The following CYB5R4 variants were observed in gnomAD, a reference collection of about 807,000 sequenced individuals.
CYB5R4 encodes the protein N-terminal cytochrome b5 and cytochrome b5 oxidoreductase domain-containing protein.
Under a neutral mutation model 70.2 loss-of-function variants are expected in CYB5R4, and 55 were observed. The observed-to-expected ratio is 0.78, with a 90% CI of 0.63 to 0.98. The LOEUF (loss-of-function observed/expected upper bound fraction) is 0.98. CYB5R4 is among the 50% of genes least tolerant of loss of function. The pLI is 0.00. For synonymous variants in CYB5R4, 197 were observed against 199.5 expected, an observed-to-expected ratio of 0.99 and a Z score of 0.11; for missense variants, 562 against 612.6, an observed-to-expected ratio of 0.92 and a Z score of 0.87.
At chr6:83,887,818 TGG>T (rs1423515765) in intron 2 of CYB5R4, among the ~76,000 whole-genome samples, 1 of 151,974 alleles carries the variant, frequency 6.6e-6, no homozygotes, top group Non-Finnish European at 1.5e-5. Flanking sequence ...GATGGATGGA[TGG>T]GTAGATGGAT....
At chr6:83,876,142 C>G (rs1304862112) in intron 2 of CYB5R4, among the ~76,000 whole-genome samples, 1 of 152,152 alleles carries the variant, frequency 6.6e-6, no homozygotes, top group Non-Finnish European at 1.5e-5. Context: ...TTCGTTATTT[C>G]TGGACAGTTC....
chr6:83,914,327 A>C (rs1442923459), intron 4 of CYB5R4, 89 bp from the exon 5 acceptor site: 1 of 1,352,712 alleles, frequency 7.4e-7, no homozygotes, highest in South Asian at 1.4e-5. Context: ...AAAAGAAGGG[A>C]TGTTATCTTG....
intron 2 of CYB5R4, among the ~76,000 whole-genome samples, chr6:83,891,665 AT>A (rs1465992405): frequency 6.6e-6 from 1 of 152,192 alleles, no homozygotes; most frequent in Non-Finnish European, 1.5e-5. Flanking sequence ...AGGGATAGAC[AT>A]TCCTAGTTTT....
intron 4 of CYB5R4, chr6:83,910,019 C>T (rs1446082215): frequency 8.7e-6 from 14 of 1,610,414 alleles, no homozygotes; most frequent in African/African-American, 2.7e-5. Context: ...GTGGCACATA[C>T]ATGTTAAGCT....
chr6:83,901,650 T>C (rs2099462983), intron 3 of CYB5R4, among the ~76,000 whole-genome samples: 2 of 152,136 alleles, frequency 1.3e-5, no homozygotes, highest in Non-Finnish European at 2.9e-5. Context: ...TTGGAGGCTT[T>C]GTTCATTTCT....
intron 12 of CYB5R4, among the ~76,000 whole-genome samples, chr6:83,936,643 C>T (rs556319257): frequency 8.5e-5 from 13 of 152,248 alleles, no homozygotes; most frequent in African/African-American, 1.4e-4. Flanking sequence ...TCCAGTCAGC[C>T]GCTAAGTTCT....
chr6:83,957,299 GTACTTTACAGAT>G (rs1440991752), intron 15 of CYB5R4, among the ~76,000 whole-genome samples: 1 of 151,992 alleles, frequency 6.6e-6, no homozygotes, highest in Admixed American at 6.6e-5. Flanking sequence ...ATCTCAATGA[GTACTTTACAGAT>G]TGCAATATAA....
chr6:83,866,034 T>C (rs776317709), intron 2 of CYB5R4, among the ~76,000 whole-genome samples: 1 of 152,208 alleles, frequency 6.6e-6, no homozygotes, highest in Non-Finnish European at 1.5e-5. Context: ...ACAAAATGAC[T>C]TCCCCATTGT....
intron 1 of CYB5R4, among the ~76,000 whole-genome samples, chr6:83,862,426 G>A (rs2099456096): frequency 6.6e-6 from 1 of 152,216 alleles, no homozygotes; most frequent in African/African-American, 2.4e-5. Flanking sequence ...AGGGTGGTAT[G>A]ACCACTAAGG....
In CYB5R4 at chr6:83,926,687, T is replaced by A. The variant is rs61763839; in HGVS notation, c.814+2095T>A. ...TTTGGTGAGGGGACACAATTCAGTC[T>A]ATAGCATAGACCCAATCCAAAGACC... On this transcript the variant is annotated intron_variant, in intron 10 of 15. Coordinates refer to ENST00000369681, the MANE Select transcript of CYB5R4 (RefSeq NM_016230.4). 3.1e-3 allele frequency among the ~76,000 whole-genome samples: 471 copies of A among 152,312 alleles called. 3 individuals carry two copies. Among genetic ancestry groups the A allele is most frequent in the African/African-American group, 0.011 (445 of 41,568 alleles).
At chr6:83,903,312 T>C (rs2099463293) in intron 3 of CYB5R4, among the ~76,000 whole-genome samples, 1 of 152,158 alleles carries the variant, frequency 6.6e-6, no homozygotes, top group South Asian at 2.1e-4. Flanking sequence ...TGATGTGATG[T>C]ATCACATTTA....
chr6:83,907,475 TC>T (rs2099463982), intron 3 of CYB5R4, among the ~76,000 whole-genome samples: 1 of 143,454 alleles, frequency 7.0e-6, no homozygotes, highest in Non-Finnish European at 1.5e-5. Flanking sequence ...TTTTTTTTGT[TC>T]TTTTTTTTTT....
At chr6:83,921,736 A>G (rs902962241) in intron 8 of CYB5R4, among the ~76,000 whole-genome samples, 1 of 152,252 alleles carries the variant, frequency 6.6e-6, no homozygotes, top group Non-Finnish European at 1.5e-5. Flanking sequence ...AAAATTCCAC[A>G]GTTAAAAATA....
intron 2 of CYB5R4, among the ~76,000 whole-genome samples, chr6:83,890,434 G>C (rs918836615): frequency 6.6e-6 from 1 of 152,178 alleles, no homozygotes; most frequent in African/African-American, 2.4e-5. Context: ...GATAAAACTT[G>C]AATGGATGAA....
Position 83,956,526 on chromosome 6 carries a change from TCTTACAGTGGCTGCC to T in CYB5R4, c.1511+1069_1511+1083del, listed in dbSNP as rs939549872. ...TGTGGAGACCAAGGTTCTTTTGAAG[TCTTACAGTGGCTGCC>T]CTTAGAGATAATAGATGACAATGTT... On this transcript the variant is annotated intron_variant, in intron 15 of 15. Transcript: ENST00000369681. Among the ~76,000 whole-genome samples, 12 of 152,208 alleles carry T rather than the reference TCTTACAGTGGCTGCC, an allele frequency of 7.9e-5. No homozygotes were observed. In the South Asian group the frequency reaches 8.3e-4, roughly 10 times the overall value.
At chr6:83,878,703 T>G (rs1043914909) in intron 2 of CYB5R4, among the ~76,000 whole-genome samples, 5 of 151,988 alleles carry the variant, frequency 3.3e-5, no homozygotes, top group African/African-American at 1.2e-4. Context: ...TAATAGAAAC[T>G]GTGGTATTTA....
At chr6:83,910,352 TG>T (rs2099464485) in intron 4 of CYB5R4, 1 of 547,670 alleles carries the variant, frequency 1.8e-6, no homozygotes, top group Non-Finnish European at 3.3e-6. Flanking sequence ...AGACGGTTAC[TG>T]GTGGAGAGAG....
At chr6:83,870,259 A>G (rs2099457384) in intron 2 of CYB5R4, among the ~76,000 whole-genome samples, 1 of 152,216 alleles carries the variant, frequency 6.6e-6, no homozygotes, top group Non-Finnish European at 1.5e-5. Context: ...TCCAAGGAGC[A>G]ATGGGTCAGT....
At chr6:83,942,987 A>G (rs958641479) in intron 14 of CYB5R4, among the ~76,000 whole-genome samples, 1 of 152,138 alleles carries the variant, frequency 6.6e-6, no homozygotes, top group African/African-American at 2.4e-5. Flanking sequence ...TAAAATTCCC[A>G]TCTCCCTGGG....
Sources: gnomAD v4.1 joint callset for allele counts (sites outside exome capture counted in the v4.1 genomes callset) on GRCh38, gnomAD v4.1.1 for gene constraint, MANE v1.5 for transcripts, NCBI Gene and HGNC (gene_info 2026-07-23, HGNC 2026-07-21) for gene names.